The following RALGAPA1 variants were observed in gnomAD, a reference collection of about 807,000 sequenced individuals.
RALGAPA1 encodes ral GTPase-activating protein subunit alpha-1.
In RALGAPA1, 52 loss-of-function variants were observed where a neutral mutation model predicts 269.6. The observed-to-expected ratio is 0.19, with a 90% CI of 0.15 to 0.24. RALGAPA1 has a LOEUF of 0.24. Ranked by LOEUF, RALGAPA1 falls within the 10% of genes least tolerant of loss-of-function variation. The probability of loss-of-function intolerance (pLI) is 1.00; values close to 1 mark genes in which losing one functional copy is unlikely to be tolerated. For missense variants in RALGAPA1, 1,917 were observed against 3,013.9 expected, an observed-to-expected ratio of 0.64 and a Z score of 8.52; for synonymous variants, 817 against 1,008.3, an observed-to-expected ratio of 0.81 and a Z score of 3.60.
chr14:35,732,942 T>C (rs1222557984), intron 12 of RALGAPA1, among the ~76,000 whole-genome samples: 1 of 152,162 alleles, frequency 6.6e-6, no homozygotes, highest in Admixed American at 6.5e-5. Flanking sequence ...AACTGCAGAA[T>C]ACACATTCTA....
chr14:35,686,726 T>C, intron 18 of RALGAPA1, 60 bp from the exon 19 acceptor site: 1 of 1,005,630 alleles, frequency 9.9e-7, no homozygotes, highest in Admixed American at 3.0e-5. Context: ...TTTCTAACTT[T>C]GAAACAAACA....
At position 35,664,656 on chromosome 14, in the gene RALGAPA1, A is replaced by G; in HGVS notation, c.5314T>C (p.Phe1772Leu). 6.2e-7 allele frequency: 1 copy of G among 1,609,768 alleles called. No homozygotes were observed. The highest frequency in any genetic ancestry group is 8.5e-7 in the Non-Finnish European group (1 of 1,178,514). The change falls in exon 27 of 42, where the codon TTT (phenylalanine) becomes CTT (leucine). Residue 1772 changes from phenylalanine to leucine, a missense_variant. Around this residue, in one of 11 missense-constraint regions of RALGAPA1, gnomAD observed 346 missense variants for 566.1 expected, o/e 0.61. Transcript: ENST00000680220. ...TCATTTCTTACCTTAACATCTGTAA[A>G]CTGAGACACAGCAACATCAGGAATG... ...PNIPDVAVSQ[F>L]TDVKELIIKT...
chr14:35,605,745 C>T (rs749501757), intron 35 of RALGAPA1, 36 bp from the exon 36 acceptor site: 3 of 1,589,088 alleles, frequency 1.9e-6, no homozygotes, highest in South Asian at 2.4e-5. Flanking sequence ...AATTTAATCA[C>T]TATTTTATCT....
chr14:35,616,617 A>ACT (rs1366791271), intron 35 of RALGAPA1, among the ~76,000 whole-genome samples: 1 of 152,074 alleles, frequency 6.6e-6, no homozygotes, highest in Non-Finnish European at 1.5e-5. Context: ...AATAGGGGAA[A>ACT]CTCTACAGGG....
At chr14:35,656,090 A>G (rs1338837197) in intron 28 of RALGAPA1, among the ~76,000 whole-genome samples, 175 bp from the exon 29 acceptor site, 1 of 152,160 alleles carries the variant, frequency 6.6e-6, no homozygotes. Context: ...GCAGAATCCC[A>G]AAACTTCTGA....
intron 4 of RALGAPA1, among the ~76,000 whole-genome samples, chr14:35,767,775 A>T (rs12587458): frequency 0.17 from 26,308 of 151,344 alleles, 4,210 homozygotes; most frequent in East Asian, 0.44. Context: ...TTTAATTAAA[A>T]TTTTTTTTTA....
intron 29 of RALGAPA1, among the ~76,000 whole-genome samples, chr14:35,655,166 G>A (rs1237305315): frequency 3.9e-5 from 6 of 151,982 alleles, no homozygotes; most frequent in Admixed American, 3.9e-4. Context: ...GTCTAGCAAT[G>A]TGCCTCATAG....
At chr14:35,559,850 C>T (rs748924455) in intron 39 of RALGAPA1, among the ~76,000 whole-genome samples, 1 of 152,116 alleles carries the variant, frequency 6.6e-6, no homozygotes, top group Non-Finnish European at 1.5e-5. Context: ...AAAAGTATCT[C>T]ATAGGAAAAG....
intron 13 of RALGAPA1, 51 bp downstream of exon 13, chr14:35,728,311 C>T: frequency 7.0e-7 from 1 of 1,426,468 alleles, no homozygotes; most frequent in Non-Finnish European, 9.2e-7. Context: ...AATTACTATA[C>T]CTGTGTACAC....
chr14:35,566,430 TAGTG>T lies in RALGAPA1; in HGVS notation c.7496+4183_7496+4186del, dbSNP rs200727095. ...TAGCACAATTTATGCTTTGGAATCT[TAGTG>T]AGTACTTTTATTGGGCATAAAATAA... On this transcript the variant is annotated intron_variant, in intron 39 of 41. Transcript: ENST00000680220. 6.3e-3 allele frequency among the ~76,000 whole-genome samples: 952 copies of T among 152,294 alleles called. 23 individuals carry two copies. The highest frequency in any genetic ancestry group is 0.034 in the East Asian group (177 of 5,190).
Position 35,733,500 on chromosome 14 carries a change from G to A in RALGAPA1, c.1588-4990C>T, listed in dbSNP as rs577380873. Among the ~76,000 whole-genome samples, 4 of 151,844 alleles carry A rather than the reference G, an allele frequency of 2.6e-5. No individual in the cohort carries two copies. The South Asian group carries it at 6.2e-4, about 24-fold the overall frequency. On this transcript the variant is annotated intron_variant, in intron 12 of 41. Transcript: ENST00000680220. ...CTCAAAAACAAACAAATAAGCAAAC[G>A]AACCAAAAAATTCTCCAAACTGAAC...
At chr14:35,592,483 T>C (rs1325995264) in intron 37 of RALGAPA1, among the ~76,000 whole-genome samples, 4 of 152,172 alleles carry the variant, frequency 2.6e-5, no homozygotes, top group African/African-American at 9.7e-5. Context: ...TGAAGGGGAA[T>C]ACTTCCAAAC....
At chr14:35,697,414 C>T (rs2066990323) in intron 17 of RALGAPA1, among the ~76,000 whole-genome samples, 1 of 151,762 alleles carries the variant, frequency 6.6e-6, no homozygotes, top group African/African-American at 2.4e-5. Context: ...TGGGCGATCT[C>T]GGCTCACTGC....
chr14:35,713,269 T>TAGCTCAAGATACAATCATCAGG (rs1567065408), intron 16 of RALGAPA1, among the ~76,000 whole-genome samples: 1 of 152,088 alleles, frequency 6.6e-6, no homozygotes, highest in Non-Finnish European at 1.5e-5. Flanking sequence ...GAGAGATACT[T>TAGCTCAAGATACAATCATCAGG]AGCTCAAGAT....
chr14:35,587,857 T>TA (rs1315171021), intron 37 of RALGAPA1, among the ~76,000 whole-genome samples: 1 of 152,166 alleles, frequency 6.6e-6, no homozygotes, highest in Non-Finnish European at 1.5e-5. Context: ...CTCTAGAACT[T>TA]AAAGTATAAT....
chr14:35,744,209 T>C (rs1329469482), intron 10 of RALGAPA1, among the ~76,000 whole-genome samples: 26 of 151,972 alleles, frequency 1.7e-4, no homozygotes, highest in Non-Finnish European at 1.5e-5. Flanking sequence ...CCGTCTCTAC[T>C]AAAAATACAA....
intron 7 of RALGAPA1, among the ~76,000 whole-genome samples, chr14:35,754,651 G>A (rs1044235061): frequency 6.6e-6 from 1 of 152,124 alleles, no homozygotes; most frequent in Non-Finnish European, 1.5e-5. Flanking sequence ...TTGGAAAACA[G>A]CTTGGTAGTT....
chr14:35,553,650 GTA>G (rs941288134), intron 39 of RALGAPA1, among the ~76,000 whole-genome samples: 3 of 151,750 alleles, frequency 2.0e-5, no homozygotes, highest in African/African-American at 4.8e-5. Flanking sequence ...GTGTGTGTGT[GTA>G]TATATGTATG....
chr14:35,638,070 G>A (rs941521002), intron 31 of RALGAPA1, among the ~76,000 whole-genome samples: 3 of 152,158 alleles, frequency 2.0e-5, no homozygotes, highest in African/African-American at 7.2e-5. Flanking sequence ...AATGCTAAAG[G>A]GATTTCTTCA....
Sources: allele counts gnomAD v4.1 joint callset (sites outside exome capture counted in the v4.1 genomes callset), GRCh38; gene constraint gnomAD v4.1.1; regional missense constraint gnomAD v4.1.1; transcripts MANE v1.5; gene names NCBI Gene and HGNC (gene_info 2026-07-23, HGNC 2026-07-21).